Variants in TARBP1 observed in about 807,000 individuals in gnomAD.
TARBP1 encodes tRNA guanosine 2 -O-methyltransferase TARBP1.
In TARBP1, 144 loss-of-function variants were observed where a neutral mutation model predicts 178.6. That is an observed-to-expected ratio of 0.81 (90% confidence interval 0.70 to 0.93). The LOEUF is 0.93. TARBP1 is among the 40% of genes least tolerant of loss of function. The pLI, the probability that TARBP1 is intolerant of heterozygous loss-of-function variation, is 0.00. For synonymous variants in TARBP1, 787 were observed against 781.0 expected (o/e 1.01, Z -0.13); for missense variants, 2,067 against 2,011.7 (o/e 1.03, Z -0.53).
rs142391513 is a variant in TARBP1 at position 234,436,713 on chromosome 1, A to G, written c.2232+562T>C. On this transcript the variant is annotated intron_variant, in intron 13 of 29. Coordinates refer to ENST00000040877, the MANE Select transcript of TARBP1 (RefSeq NM_005646.4). ...ATTTGTCCCTAGAGATTTTAAACAAACAAACAAAAAATTAAGACATTCATA... is the reference window on the plus strand; with the variant it reads ...ATTTGTCCCTAGAGATTTTAAACAAGCAAACAAAAAATTAAGACATTCATA... Among the ~76,000 whole-genome samples the G allele has an allele frequency of 2.2e-4, 33 of 152,332 alleles. 1 individual carries two copies. The East Asian group carries it at 6.2e-3, about 28-fold the overall frequency.
intron 23 of TARBP1, chr1:234,406,364 T>G: frequency 4.7e-6 from 2 of 421,184 alleles, no homozygotes; most frequent in Non-Finnish European, 8.5e-6. Context: ...CATACTCTAG[T>G]ACCTGAGTTA....
At chr1:234,421,744 C>T (rs560832564) in intron 20 of TARBP1, among the ~76,000 whole-genome samples, 80 of 152,324 alleles carry the variant, frequency 5.3e-4, no homozygotes, top group African/African-American at 1.9e-3. Flanking sequence ...TTGCTTTTAT[C>T]ACCATAACTA....
chr1:234,404,154 G>A (rs1326247971), intron 24 of TARBP1, among the ~76,000 whole-genome samples: 1 of 152,140 alleles, frequency 6.6e-6, no homozygotes, highest in Non-Finnish European at 1.5e-5. Flanking sequence ...TCAACAACCA[G>A]GATCGAAATG....
intron 9 of TARBP1, among the ~76,000 whole-genome samples, chr1:234,457,002 C>T (rs1022871000): frequency 6.6e-6 from 1 of 152,196 alleles, no homozygotes; most frequent in African/African-American, 2.4e-5. Flanking sequence ...CAAATAAGCA[C>T]TGAAGTCAGT....
chr1:234,394,454 T>C (rs1287982408), intron 26 of TARBP1, among the ~76,000 whole-genome samples: 1 of 152,208 alleles, frequency 6.6e-6, no homozygotes, highest in Admixed American at 6.5e-5. Context: ...CTCAACTCTG[T>C]CCTACTCCAA....
intron 23 of TARBP1, among the ~76,000 whole-genome samples, chr1:234,409,733 T>G (rs1242631795): frequency 2.0e-5 from 3 of 152,254 alleles, no homozygotes; most frequent in Non-Finnish European, 4.4e-5. Flanking sequence ...TTTTCCCTTA[T>G]ATTTTTATGG....
intron 12 of TARBP1, among the ~76,000 whole-genome samples, chr1:234,445,631 A>C (rs902660458): frequency 6.6e-6 from 1 of 152,188 alleles, no homozygotes; most frequent in Admixed American, 6.6e-5. Flanking sequence ...AGTTAAAAAA[A>C]TATCTTCTTG....
chr1:234,396,008 G>A (rs578168842), intron 26 of TARBP1, among the ~76,000 whole-genome samples: 4 of 152,094 alleles, frequency 2.6e-5, no homozygotes, highest in East Asian at 3.9e-4. Context: ...GCATGAAAAC[G>A]CCACACTGTA....
At chr1:234,417,760 T>C (rs1662598305) in intron 22 of TARBP1, among the ~76,000 whole-genome samples, 1 of 152,198 alleles carries the variant, frequency 6.6e-6, no homozygotes. Flanking sequence ...TTCCTCATCG[T>C]TCATATTTCT....
chr1:234,479,134 TCCC>T lies in TARBP1; in HGVS notation c.-34_-32del. ...GAGCGCCCGCGCCACCGGCCCGGGC[TCCC>T]AAAGGAAGGCGCCGGCGTGTGCGAT... On this transcript the variant is annotated 5_prime_UTR_variant, in exon 1 of 30. Coordinates refer to ENST00000040877, the MANE Select transcript of TARBP1 (RefSeq NM_005646.4). 1 of 1,500,480 alleles carries T rather than the reference TCCC, an allele frequency of 6.7e-7. No homozygotes were observed. Among genetic ancestry groups the T allele is most frequent in the Non-Finnish European group, 8.8e-7 (1 of 1,138,762 alleles). The allele number at this position is 1,500,480 out of a possible 1,614,324, so 92.9% of individuals were successfully genotyped here. A position where few individuals can be genotyped will look rare whatever the true frequency, so the allele number is the denominator to read the frequency against.
chr1:234,443,561 T>C (rs146994828), intron 12 of TARBP1, among the ~76,000 whole-genome samples: 5 of 152,318 alleles, frequency 3.3e-5, no homozygotes, highest in African/African-American at 7.2e-5. Flanking sequence ...GAAAAGTGTA[T>C]GGCAGTTCCT....
At chr1:234,410,715 T>C (rs1239882750) in intron 22 of TARBP1, among the ~76,000 whole-genome samples, 184 bp from the exon 23 acceptor site, 2 of 152,194 alleles carry the variant, frequency 1.3e-5, no homozygotes, top group African/African-American at 4.8e-5. Flanking sequence ...AAAGGAAATA[T>C]TTCCTAGAGC....
chr1:234,422,132 G>A (rs951848691), intron 20 of TARBP1, among the ~76,000 whole-genome samples: 1 of 152,158 alleles, frequency 6.6e-6, no homozygotes, highest in Admixed American at 6.5e-5. Flanking sequence ...GCATTCAGAA[G>A]AAGCATCTTC....
intron 4 of TARBP1, among the ~76,000 whole-genome samples, chr1:234,466,276 C>G (rs1668424121): frequency 6.6e-6 from 1 of 152,072 alleles, no homozygotes; most frequent in South Asian, 2.1e-4. Context: ...CTTTGGGAGG[C>G]TGAGGTGGGC....
chr1:234,449,081 A>G (rs1225131689), intron 10 of TARBP1, among the ~76,000 whole-genome samples: 1 of 152,054 alleles, frequency 6.6e-6, no homozygotes, highest in Non-Finnish European at 1.5e-5. Flanking sequence ...GAGCACATCA[A>G]AGGTCTTCTA....
At position 234,471,201 on chromosome 1, in the gene TARBP1, C is replaced by T. The variant is rs1217476735; in HGVS notation, c.1086G>A (p.Val362=). 2.5e-6 allele frequency: 4 copies of T among 1,598,448 alleles called. No individual in the cohort carries two copies. The highest frequency in any genetic ancestry group is 3.4e-6 in the Non-Finnish European group (4 of 1,175,518). Residue 362 remains valine, a synonymous_variant, in exon 3 of 30, where the codon GTG becomes GTA. Transcript: ENST00000040877. ...AGTAATCGTTACCATTTTCCTCTGA[C>T]ACCGCATATTCAAACAGATTGTTTA... ...PKLNNLFEYA[V]SEENGCWLFH...
chr1:234,479,026 C>T lies in TARBP1; in HGVS notation c.78G>A (p.Gly26=). Residue 26 remains glycine, a synonymous_variant, in exon 1 of 30, where the codon GGG becomes GGA. Transcript: ENST00000040877. ...TCTCCACGCGCTCCGCGGATGCCTC[C>T]CCTTGGCACAGCGCCCCAAGCAGGG... is the stretch of plus-strand genomic sequence containing the variant. ...PRALLGALCQ[G]EASAERVETL... The T allele has an allele frequency of 6.5e-7, 1 of 1,530,212 alleles. No individual in the cohort carries two copies. The allele number at this position is 1,530,212 out of a possible 1,614,324, so 94.8% of individuals were successfully genotyped here.
At chr1:234,398,625 C>G in intron 25 of TARBP1, 72 bp from the exon 26 acceptor site, 9 of 1,145,266 alleles carry the variant, frequency 7.9e-6, no homozygotes, top group Non-Finnish European at 1.1e-5. Flanking sequence ...ATTTAAAATA[C>G]AACTTAATTA....
intron 21 of TARBP1, among the ~76,000 whole-genome samples, chr1:234,419,564 T>C (rs12035712): frequency 0.25 from 38,635 of 152,106 alleles, 5,147 homozygotes; most frequent in East Asian, 0.44. Context: ...CTTTCCTTTT[T>C]CTTGCAGGTG....
Sources: allele counts gnomAD v4.1 joint callset (sites outside exome capture counted in the v4.1 genomes callset), GRCh38; gene constraint gnomAD v4.1.1; transcripts MANE v1.5; gene names NCBI Gene and HGNC (gene_info 2026-07-23, HGNC 2026-07-21).